ADAMTSL1: variants seen among roughly 807,000 people sequenced by gnomAD.
ADAMTSL1 encodes ADAMTS like 1.
In ADAMTSL1, 126 loss-of-function variants were observed where a neutral mutation model predicts 201.8. That is an observed-to-expected ratio of 0.62 (90% CI 0.54 to 0.72). The LOEUF (loss-of-function observed/expected upper bound fraction) is 0.72, where lower values mean the gene tolerates loss of function less well. Ranked by LOEUF, ADAMTSL1 falls within the 30% of genes least tolerant of loss-of-function variation. ADAMTSL1 has a pLI of 0.00. For synonymous variants in ADAMTSL1, 1,121 were observed against 903.4 expected, an observed-to-expected ratio of 1.24 and a Z score of -4.32; for missense variants, 2,679 against 2,277.8, an observed-to-expected ratio of 1.18 and a Z score of -3.59.
intron 15 of ADAMTSL1, among the ~76,000 whole-genome samples, 180 bp from the exon 16 acceptor site, chr9:18,753,118 T>G (rs1203707077): frequency 1.3e-5 from 2 of 152,228 alleles, no homozygotes; most frequent in Admixed American, 1.3e-4. Flanking sequence ...TTAATGTAAA[T>G]GAATTCTAGA....
rs371628211 is a variant in ADAMTSL1, at chr9:18,840,302, C to T, written c.4249+10325C>T. On this transcript the variant is annotated intron_variant, in intron 23 of 28. Coordinates refer to ENST00000380548, the MANE Select transcript of ADAMTSL1 (RefSeq NM_001040272.6). ...ATTTATTAAATAGGGAATCCTTTCC[C>T]CATTGCTTGTTTTTCTCAGGTTTGT... Among the ~76,000 whole-genome samples the T allele has an allele frequency of 2.1e-3, 321 of 152,128 alleles. 4 individuals are homozygous for T. The South Asian group carries it at 0.039, about 18-fold the overall frequency.
At position 18,909,490 on chromosome 9, in the gene ADAMTSL1, G is replaced by A. The variant is rs979245974; in HGVS notation, c.*942G>A. The A allele has an allele frequency of 3.9e-5, 6 of 152,278 alleles. No individual in the cohort carries two copies. The highest frequency in any genetic ancestry group is 9.7e-5 in the African/African-American group (4 of 41,444). The allele number at this position is 152,278 out of a possible 1,614,324, so 9.4% of individuals were successfully genotyped here. A position where few individuals can be genotyped will look rare whatever the true frequency, so the allele number is the denominator to read the frequency against. ...CCCTGGCACCTCTTTATCTAAATCC[G>A]AAGTCCCCTAGCCCCGCACTAACTA... On this transcript the variant is annotated 3_prime_UTR_variant, in exon 29 of 29. Transcript: ENST00000380548.
intron 2 of ADAMTSL1, among the ~76,000 whole-genome samples, chr9:18,454,278 G>C (rs1162249737): frequency 6.6e-6 from 1 of 152,156 alleles, no homozygotes; most frequent in Non-Finnish European, 1.5e-5. Context: ...CCAAGGAAAG[G>C]AGGAGGACAC....
At chr9:18,400,700 T>C (rs769835240) in intron 2 of ADAMTSL1, among the ~76,000 whole-genome samples, 14 of 152,200 alleles carry the variant, frequency 9.2e-5, no homozygotes, top group Admixed American at 3.3e-4. Flanking sequence ...TGGAGGAATT[T>C]TCTACAGACT....
chr9:18,689,067 G>A (rs541153909), intron 13 of ADAMTSL1, among the ~76,000 whole-genome samples: 24 of 151,920 alleles, frequency 1.6e-4, no homozygotes, highest in Non-Finnish European at 2.9e-4. Context: ...AAAATATATA[G>A]GAATAGCTTT....
At chr9:18,570,547 A>G (rs569941345) in intron 3 of ADAMTSL1, among the ~76,000 whole-genome samples, 5 of 152,086 alleles carry the variant, frequency 3.3e-5, no homozygotes, top group Non-Finnish European at 7.3e-5. Flanking sequence ...AATTTGATTC[A>G]TATGTTTCTG....
intron 4 of ADAMTSL1, among the ~76,000 whole-genome samples, chr9:18,592,357 T>G (rs1436254026): frequency 6.6e-6 from 1 of 152,132 alleles, no homozygotes; most frequent in Non-Finnish European, 1.5e-5. Context: ...ATTTCAAAAT[T>G]ATGATATTTT....
chr9:18,892,610 G>A lies in ADAMTSL1; in HGVS notation c.4851+14G>A. On this transcript the variant is annotated intron_variant, in intron 26 of 28. Transcript: ENST00000380548. ...AGCTGGGGCCAGGTGAGGAGCCAGA[G>A]AGGTTGTTATTTGAAAGCTAAATCT... 6.4e-7 allele frequency: 1 copy of A among 1,551,522 alleles called. No individual in the cohort carries two copies. Among genetic ancestry groups the A allele is most frequent in the South Asian group, 1.2e-5 (1 of 84,178 alleles).
intron 1 of ADAMTSL1, among the ~76,000 whole-genome samples, chr9:18,059,193 A>G (rs558721696): frequency 1.3e-5 from 2 of 152,278 alleles, no homozygotes; most frequent in African/African-American, 4.8e-5. Flanking sequence ...GGCCCTCATC[A>G]CATTGTCTCT....
At chr9:18,267,780 ACAAAAAC>A (rs1832186565) in intron 2 of ADAMTSL1, among the ~76,000 whole-genome samples, 2 of 148,566 alleles carry the variant, frequency 1.3e-5, no homozygotes, top group African/African-American at 5.0e-5. Context: ...AAAAACAAAA[ACAAAAAC>A]AAAAAAACCT....
At chr9:18,490,936 A>G (rs983996740) in intron 1 of ADAMTSL1, among the ~76,000 whole-genome samples, 1 of 152,180 alleles carries the variant, frequency 6.6e-6, no homozygotes, top group Admixed American at 6.5e-5. Context: ...TAGAACTGAA[A>G]GGAAGGGAGG....
chr9:18,728,976 CT>C (rs1269303199), intron 15 of ADAMTSL1, among the ~76,000 whole-genome samples: 1 of 152,204 alleles, frequency 6.6e-6, no homozygotes, highest in Non-Finnish European at 1.5e-5. Flanking sequence ...TGGTGGTTAG[CT>C]TTTACTGTAG....
intron 20 of ADAMTSL1, among the ~76,000 whole-genome samples, chr9:18,808,105 A>G (rs186540242): frequency 1.4e-4 from 22 of 152,290 alleles, no homozygotes; most frequent in African/African-American, 5.1e-4. Context: ...CTCAAAAGAT[A>G]ATCTCTCACC....
intron 1 of ADAMTSL1, among the ~76,000 whole-genome samples, chr9:18,085,254 G>T (rs1823692488): frequency 6.6e-6 from 1 of 152,048 alleles, no homozygotes; most frequent in Non-Finnish European, 1.5e-5. Flanking sequence ...ATATTGCCTG[G>T]GTTTGGATCC....
At chr9:18,398,382 T>A (rs150393449) in intron 2 of ADAMTSL1, among the ~76,000 whole-genome samples, 216 of 152,326 alleles carry the variant, frequency 1.4e-3, no homozygotes, top group African/African-American at 5.1e-3. Context: ...GATACAGCTA[T>A]ATGCAAATTT....
chr9:18,188,647 A>T (rs1187891389), intron 2 of ADAMTSL1, among the ~76,000 whole-genome samples: 3 of 152,170 alleles, frequency 2.0e-5, no homozygotes, highest in African/African-American at 4.8e-5. Flanking sequence ...TGACAAAGCT[A>T]CTTGAATGGA....
At chr9:18,756,118 T>TATATATATATATATATATATATATATAC (rs1819745985) in intron 16 of ADAMTSL1, among the ~76,000 whole-genome samples, 1 of 74,816 alleles carries the variant, frequency 1.3e-5, no homozygotes, top group African/African-American at 4.4e-5. Context: ...TATATATATA[T>TATATATATATATATATATATATATATAC]ATATACAAAA....
chr9:18,801,941 A>AACTC (rs1290917222), intron 20 of ADAMTSL1, among the ~76,000 whole-genome samples: 2 of 152,158 alleles, frequency 1.3e-5, no homozygotes, highest in Non-Finnish European at 1.5e-5. Context: ...CATACCATAA[A>AACTC]ACTCACCCAC....
At chr9:18,789,360 G>C (rs958952798) in intron 19 of ADAMTSL1, among the ~76,000 whole-genome samples, 1 of 152,164 alleles carries the variant, frequency 6.6e-6, no homozygotes, top group Non-Finnish European at 1.5e-5. Context: ...AACTGTCACT[G>C]AGAAGTTAAG....
Sources: gnomAD v4.1 joint callset for allele counts (sites outside exome capture counted in the v4.1 genomes callset) on GRCh38, gnomAD v4.1.1 for gene constraint, MANE v1.5 for transcripts, NCBI Gene and HGNC (gene_info 2026-07-23, HGNC 2026-07-21) for gene names.